APOO: variants seen among roughly 807,000 people sequenced by gnomAD.
APOO encodes the protein MICOS complex subunit MIC26.
A neutral mutation model predicts 23.1 loss-of-function variants in APOO; 11 were observed. That is an observed-to-expected ratio of 0.48 (90% CI 0.30 to 0.79). APOO has a LOEUF of 0.79. Among genes scored for constraint, APOO ranks in the 30% least tolerant of loss-of-function variants. APOO has a pLI of 0.07. For synonymous variants in APOO, 59 were observed against 54.8 expected, an observed-to-expected ratio of 1.08 and a Z score of -0.34; for missense variants, 160 against 142.7, an observed-to-expected ratio of 1.12 and a Z score of -0.62.
chrX:23,867,258 A>C (rs1925387621), intron 5 of APOO, among the ~76,000 whole-genome samples: 1 of 112,031 alleles, frequency 8.9e-6, no homozygotes, highest in African/African-American at 3.2e-5. Flanking sequence ...TCATGTTGAA[A>C]TGTGAACCCC....
intron 4 of APOO, among the ~76,000 whole-genome samples, chrX:23,872,797 T>C (rs1267759142): frequency 9.0e-6 from 1 of 110,922 alleles, no homozygotes; most frequent in East Asian, 2.8e-4. Context: ...ACACCTGTAA[T>C]CCCAGCACTT....
At chrX:23,884,052 G>A (rs957297287) in intron 1 of APOO, 2 of 112,166 alleles carry the variant, frequency 1.8e-5, no homozygotes, top group Non-Finnish European at 3.8e-5. Flanking sequence ...TAGGGAGTTC[G>A]AGTTTTGTGG....
intron 1 of APOO, among the ~76,000 whole-genome samples, chrX:23,900,401 T>TGGTG (rs1927076640): frequency 9.0e-6 from 1 of 111,332 alleles, no homozygotes; most frequent in Admixed American, 9.6e-5. Context: ...TGGCCCGGCA[T>TGGTG]GGTGACTCAT....
intron 1 of APOO, among the ~76,000 whole-genome samples, chrX:23,894,300 A>G (rs938931136): frequency 1.8e-5 from 2 of 108,213 alleles, no homozygotes; most frequent in Non-Finnish European, 3.8e-5. Context: ...CCACACCACC[A>G]CGCCTGGCTA....
chrX:23,844,996 G>T (rs1401107792), intron 7 of APOO, among the ~76,000 whole-genome samples: 3 of 111,257 alleles, frequency 2.7e-5, no homozygotes, highest in Non-Finnish European at 5.6e-5. Flanking sequence ...ACAGCTCCAG[G>T]AGGTACTATG....
At chrX:23,891,558 C>T (rs1032492764) in intron 1 of APOO, among the ~76,000 whole-genome samples, 1 of 111,737 alleles carries the variant, frequency 8.9e-6, no homozygotes, top group African/African-American at 3.3e-5. Context: ...CACTCATATG[C>T]TACTGATGCT....
chrX:23,857,175 C>T (rs1924819050), intron 6 of APOO, among the ~76,000 whole-genome samples: 1 of 106,690 alleles, frequency 9.4e-6, no homozygotes, highest in Non-Finnish European at 1.9e-5. Flanking sequence ...ATCTGTACAC[C>T]AAACCCTCAT....
chrX:23,842,965 G>A (rs920427689), intron 7 of APOO, among the ~76,000 whole-genome samples: 20 of 111,824 alleles, frequency 1.8e-4, no homozygotes, highest in Admixed American at 1.6e-3. Context: ...CCAAGATCAC[G>A]CCATTGCACT....
chrX:23,845,969 T>C (rs1924207757), intron 7 of APOO, among the ~76,000 whole-genome samples: 1 of 111,750 alleles, frequency 8.9e-6, no homozygotes, highest in African/African-American at 3.3e-5. Flanking sequence ...AAAACTAAAA[T>C]ATGATATTTA....
At chrX:23,883,173 C>T (rs1000125879) in intron 1 of APOO, among the ~76,000 whole-genome samples, 4 of 111,553 alleles carry the variant, frequency 3.6e-5, no homozygotes, top group Non-Finnish European at 1.9e-5. Flanking sequence ...GGCTCCACCC[C>T]TGGGCCTGTG....
rs759149235 is a variant in APOO, at chrX:23,879,026, G to C, written c.126C>G (p.Leu42=). Residue 42 remains leucine, a synonymous_variant, in exon 3 of 9, where the codon CTC becomes CTG. Coordinates refer to ENST00000379226, the MANE Select transcript of APOO (RefSeq NM_024122.5). ...TCGATTGACCCTCAGGAACTGAGTA[G>C]AGTGAAAGCTGCGCACATTAAAACA... The part of the protein sequence containing the change: ...KNSVKVDELS[L]YSVPEGQSKY... 2 of 1,210,074 alleles carry C rather than the reference G, an allele frequency of 1.7e-6. No individual in the cohort carries two copies. The highest frequency in any genetic ancestry group is 5.9e-5 in the East Asian group (2 of 33,844).
chrX:23,879,859 T>A (rs1383311151), intron 2 of APOO, among the ~76,000 whole-genome samples: 10 of 111,295 alleles, frequency 9.0e-5, no homozygotes, highest in Non-Finnish European at 1.9e-4. Flanking sequence ...AATGCCACTG[T>A]GCCAAGGCCT....
chrX:23,856,083 T>G (rs768705351), intron 7 of APOO, among the ~76,000 whole-genome samples: 14 of 112,023 alleles, frequency 1.2e-4, no homozygotes, highest in Admixed American at 2.9e-4. Context: ...TGCATTGCAT[T>G]TTATGGTCAC....
At chrX:23,864,407 A>G (rs1332974472) in intron 5 of APOO, among the ~76,000 whole-genome samples, 2 of 110,785 alleles carry the variant, frequency 1.8e-5, no homozygotes, top group Non-Finnish European at 1.9e-5. Context: ...GGTTCAAGTG[A>G]TTCTCCTGCT....
rs761444677 is a variant in APOO, at chrX:23,837,290, C to T, written c.*29+3023G>A. 6.8e-5 allele frequency: 37 copies of T among 547,272 alleles called. 1 individual carries two copies. The highest frequency in any genetic ancestry group is 7.2e-5 in the African/African-American group (3 of 41,868). The allele number at this position is 547,272 out of a possible 1,213,427, so 45.1% of individuals were successfully genotyped here. A position where few individuals can be genotyped will look rare whatever the true frequency, so the allele number is the denominator to read the frequency against. On this transcript the variant is annotated intron_variant, in intron 8 of 8. Transcript: ENST00000379226. ...GTAATGTCGACATTTTCTGGAATGTCGACAGTCTGATTGCTGAGAATAGTC... is the reference window on the plus strand; with the variant it reads ...GTAATGTCGACATTTTCTGGAATGTTGACAGTCTGATTGCTGAGAATAGTC...
intron 1 of APOO, among the ~76,000 whole-genome samples, chrX:23,905,451 C>T (rs1463284033): frequency 1.8e-5 from 2 of 110,528 alleles, no homozygotes; most frequent in Non-Finnish European, 3.8e-5. Context: ...TATGTCTTTC[C>T]CTTGACACAT....
intron 5 of APOO, among the ~76,000 whole-genome samples, chrX:23,866,547 G>C (rs1925344829): frequency 9.0e-6 from 1 of 110,794 alleles, no homozygotes. Flanking sequence ...AAGGGAGGTG[G>C]ATGGCTTGAG....
At chrX:23,891,486 C>A (rs1457001023) in intron 1 of APOO, among the ~76,000 whole-genome samples, 1 of 111,848 alleles carries the variant, frequency 8.9e-6, no homozygotes, top group African/African-American at 3.2e-5. Context: ...CTCAGCCTCC[C>A]AAAGTGCTGG....
chrX:23,861,703 C>G (rs1925045005), intron 5 of APOO, among the ~76,000 whole-genome samples: 1 of 109,071 alleles, frequency 9.2e-6, no homozygotes. Context: ...CTCACACTGG[C>G]CCTGGGTGCA....
Sources: gnomAD v4.1 joint callset for allele counts (sites outside exome capture counted in the v4.1 genomes callset) on GRCh38, gnomAD v4.1.1 for gene constraint, MANE v1.5 for transcripts, NCBI Gene and HGNC (gene_info 2026-07-23, HGNC 2026-07-21) for gene names.